Variants in SPAG16 observed in about 807,000 individuals in gnomAD.
The protein encoded by SPAG16 is sperm-associated antigen 16 protein.
SPAG16 carries 86 observed loss-of-function variants against 80.4 expected under a neutral mutation model. The ratio of observed to expected loss-of-function variants is 1.07; its 90% CI spans 0.90 to 1.28. The LOEUF is 1.28. Among genes scored for constraint, SPAG16 ranks in the 50% most tolerant of loss-of-function variants. The pLI, the probability that SPAG16 is intolerant of heterozygous loss-of-function variation, is 0.00. For missense variants in SPAG16, 870 were observed against 765.3 expected (o/e 1.14, Z -1.61); for synonymous variants, 294 against 265.9 (o/e 1.11, Z -1.03).
At chr2:213,826,951 A>G (rs2125707742) in intron 10 of SPAG16, among the ~76,000 whole-genome samples, 1 of 151,670 alleles carries the variant, frequency 6.6e-6, no homozygotes, top group Middle Eastern at 3.4e-3. Flanking sequence ...TACTGAATTG[A>G]TCCCTTTATC....
chr2:213,978,763 G>A (rs1028488568), intron 12 of SPAG16, among the ~76,000 whole-genome samples: 1 of 152,030 alleles, frequency 6.6e-6, no homozygotes, highest in African/African-American at 2.4e-5. Context: ...TGTGTGATTG[G>A]GGCAGGAAGA....
At chr2:213,598,934 T>C (rs1488688338) in intron 10 of SPAG16, among the ~76,000 whole-genome samples, 1 of 152,202 alleles carries the variant, frequency 6.6e-6, no homozygotes, top group Non-Finnish European at 1.5e-5. Flanking sequence ...ATATGAAATA[T>C]TTGACTCAGA....
intron 10 of SPAG16, among the ~76,000 whole-genome samples, chr2:213,537,262 T>C (rs1056135414): frequency 6.6e-6 from 1 of 151,768 alleles, no homozygotes; most frequent in Non-Finnish European, 1.5e-5. Flanking sequence ...TGTATACATA[T>C]GTAACTAACC....
chr2:213,721,797 G>T (rs1057419354), intron 10 of SPAG16, among the ~76,000 whole-genome samples: 1 of 152,124 alleles, frequency 6.6e-6, no homozygotes, highest in Non-Finnish European at 1.5e-5. Context: ...AGGGTATAAT[G>T]CATTCATTAT....
chr2:214,292,582 A>C (rs926026215), intron 15 of SPAG16, among the ~76,000 whole-genome samples: 1 of 151,982 alleles, frequency 6.6e-6, no homozygotes, highest in African/African-American at 2.4e-5. Context: ...GTATTGCTTT[A>C]ATCATTTTTA....
intron 10 of SPAG16, among the ~76,000 whole-genome samples, chr2:213,510,046 C>T (rs1038288023): frequency 6.6e-6 from 1 of 151,958 alleles, no homozygotes; most frequent in Admixed American, 6.6e-5. Flanking sequence ...CACCTCTACA[C>T]AAATAAACTA....
chr2:213,720,224 A>G (rs542504743), intron 10 of SPAG16, among the ~76,000 whole-genome samples: 2 of 152,210 alleles, frequency 1.3e-5, no homozygotes, highest in African/African-American at 4.8e-5. Flanking sequence ...ATTAGGAGAA[A>G]TACCTAATGT....
chr2:214,225,841 CA>C (rs1435892866), intron 15 of SPAG16, among the ~76,000 whole-genome samples: 1 of 152,020 alleles, frequency 6.6e-6, no homozygotes, highest in Non-Finnish European at 1.5e-5. Flanking sequence ...TTATTGAAAT[CA>C]AATTTATAAA....
intron 15 of SPAG16, among the ~76,000 whole-genome samples, chr2:214,396,108 T>C (rs1212066940): frequency 2.0e-5 from 3 of 152,192 alleles, no homozygotes; most frequent in Admixed American, 2.0e-4. Flanking sequence ...CTCATCACAC[T>C]GCTTTCCACA....
intron 10 of SPAG16, among the ~76,000 whole-genome samples, chr2:213,783,068 C>T (rs1056966838): frequency 7.7e-6 from 1 of 129,992 alleles, no homozygotes; most frequent in Non-Finnish European, 1.6e-5. Flanking sequence ...CCACCACAGT[C>T]CCCAGAGTGT....
chr2:213,953,758 A>G (rs568320148), intron 12 of SPAG16, among the ~76,000 whole-genome samples: 12 of 152,102 alleles, frequency 7.9e-5, no homozygotes, highest in South Asian at 2.1e-4. Context: ...AGAATTCCAT[A>G]TCCATACAAA....
chr2:213,621,084 T>G (rs1370539540), intron 10 of SPAG16, among the ~76,000 whole-genome samples: 2 of 152,172 alleles, frequency 1.3e-5, no homozygotes, highest in Non-Finnish European at 2.9e-5. Context: ...ACCTTTAATT[T>G]TCTAAGGAAA....
In SPAG16 at chr2:213,955,638, A is replaced by G. The variant is rs913423793; in HGVS notation, c.1400+25493A>G. 3.9e-5 allele frequency among the ~76,000 whole-genome samples: 6 copies of G among 152,104 alleles called. 1 individual carries two copies. Among genetic ancestry groups the G allele is most frequent in the Admixed American group, 3.9e-4 (6 of 15,268 alleles). On this transcript the variant is annotated intron_variant, in intron 12 of 15. Coordinates refer to ENST00000331683, the MANE Select transcript of SPAG16 (RefSeq NM_024532.5). Reference sequence around the variant, plus strand: ...TTTTCCAACTTTGTTCTTTTTTAAGATCACTTTAATCTGGATCTCTTGGAT... The same window carrying G: ...TTTTCCAACTTTGTTCTTTTTTAAGGTCACTTTAATCTGGATCTCTTGGAT...
At chr2:214,380,536 T>C (rs890377591) in intron 15 of SPAG16, among the ~76,000 whole-genome samples, 1 of 152,224 alleles carries the variant, frequency 6.6e-6, no homozygotes, top group African/African-American at 2.4e-5. Flanking sequence ...TTAATAAAAA[T>C]TTAAAGACCT....
At chr2:213,550,824 G>A (rs2076757061) in intron 10 of SPAG16, among the ~76,000 whole-genome samples, 1 of 152,032 alleles carries the variant, frequency 6.6e-6, no homozygotes, top group Non-Finnish European at 1.5e-5. Context: ...TGTACCTATA[G>A]TTAAAATAAT....
chr2:213,435,045 A>T (rs887409381), intron 9 of SPAG16, among the ~76,000 whole-genome samples: 1 of 152,214 alleles, frequency 6.6e-6, no homozygotes, highest in South Asian at 2.1e-4. Context: ...AATAGGACAG[A>T]TATGTAATCA....
chr2:213,939,717 G>A (rs2079123135), intron 12 of SPAG16, among the ~76,000 whole-genome samples: 1 of 152,128 alleles, frequency 6.6e-6, no homozygotes, highest in South Asian at 2.1e-4. Context: ...TGGGGTTATT[G>A]TGTCAGTTTG....
chr2:213,653,844 A>G (rs958445871), intron 10 of SPAG16, among the ~76,000 whole-genome samples: 4 of 152,174 alleles, frequency 2.6e-5, no homozygotes, highest in African/African-American at 9.6e-5. Context: ...TTCTATATAT[A>G]AAACATACAG....
At chr2:214,058,433 T>C (rs182715194) in intron 13 of SPAG16, among the ~76,000 whole-genome samples, 8 of 152,282 alleles carry the variant, frequency 5.3e-5, no homozygotes, top group African/African-American at 1.7e-4. Context: ...TTTGCTGTCT[T>C]ATATGTATTC....
Sources: gnomAD v4.1 joint callset for allele counts (sites outside exome capture counted in the v4.1 genomes callset) on GRCh38, gnomAD v4.1.1 for gene constraint, MANE v1.5 for transcripts, NCBI Gene and HGNC (gene_info 2026-07-23, HGNC 2026-07-21) for gene names.